SLC24A2: variants seen among roughly 807,000 people sequenced by gnomAD.
SLC24A2 encodes the protein solute carrier family 24 member 2, also known as sodium/potassium/calcium exchanger 2.
In SLC24A2, 36 loss-of-function variants were observed where a neutral mutation model predicts 62.0. The ratio of observed to expected loss-of-function variants is 0.58; its 90% confidence interval spans 0.44 to 0.77. SLC24A2 has a LOEUF of 0.77. Ranked by LOEUF, SLC24A2 falls within the 30% of genes least tolerant of loss-of-function variation. The pLI, the probability that SLC24A2 is intolerant of heterozygous loss-of-function variation, is 0.00. For synonymous variants in SLC24A2, 358 were observed against 294.0 expected, an observed-to-expected ratio of 1.22 and a Z score of -2.23; for missense variants, 846 against 817.9, an observed-to-expected ratio of 1.03 and a Z score of -0.42.
chr9:19,883,490 C>T, the SLC24A2 span, among the ~76,000 whole-genome samples: 6 of 151,920 alleles, frequency 3.9e-5, no homozygotes, highest in African/African-American at 7.3e-5. Flanking sequence ...AATTTATCTG[C>T]AAACCATGTG....
the SLC24A2 span, among the ~76,000 whole-genome samples, chr9:20,295,618 GTGAAC>G: frequency 0.076 from 11,622 of 152,180 alleles, 483 homozygotes; most frequent in African/African-American, 0.12. Context: ...GATACAGAAG[GTGAAC>G]TGGTCTTCCA....
chr9:20,296,671 A>T, the SLC24A2 span, among the ~76,000 whole-genome samples: 2 of 152,242 alleles, frequency 1.3e-5, no homozygotes, highest in Non-Finnish European at 2.9e-5. Flanking sequence ...GTGGTGACCC[A>T]CTGTGGTTTT....
chr9:19,826,942 T>C, the SLC24A2 span, among the ~76,000 whole-genome samples: 1 of 152,186 alleles, frequency 6.6e-6, no homozygotes, highest in Non-Finnish European at 1.5e-5. Flanking sequence ...CTCCTTACTG[T>C]ATCTTCTCCT....
chr9:20,067,107 GTTATT>G, the SLC24A2 span, among the ~76,000 whole-genome samples: 2 of 152,114 alleles, frequency 1.3e-5, no homozygotes, highest in African/African-American at 4.8e-5. Context: ...TTAAACAGAT[GTTATT>G]TTAGATTTTA....
the SLC24A2 span, among the ~76,000 whole-genome samples, chr9:20,021,067 T>G: frequency 6.6e-6 from 1 of 152,190 alleles, no homozygotes; most frequent in Admixed American, 6.5e-5. Context: ...CACATGTATA[T>G]TCATATAAAT....
At chr9:19,689,956 G>C (rs563945680) in intron 2 of SLC24A2, among the ~76,000 whole-genome samples, 2 of 152,232 alleles carry the variant, frequency 1.3e-5, no homozygotes, top group African/African-American at 4.8e-5. Flanking sequence ...TGCCTGAACA[G>C]AATAAAAAGG....
chr9:20,149,848 T>G, the SLC24A2 span, among the ~76,000 whole-genome samples: 24 of 151,992 alleles, frequency 1.6e-4, 1 homozygote, highest in African/African-American at 5.5e-4. Flanking sequence ...CTTTTAGGAG[T>G]CACTACAGAG....
chr9:19,831,446 A>G, the SLC24A2 span, among the ~76,000 whole-genome samples: 1 of 152,232 alleles, frequency 6.6e-6, no homozygotes, highest in African/African-American at 2.4e-5. Flanking sequence ...CTGCTGGCAG[A>G]TAAAATAAGG....
Position 19,511,759 on chromosome 9 carries a change from T to A in SLC24A2, c.*4394A>T, listed in dbSNP as rs1012649100. The A allele has an allele frequency of 2.0e-5, 3 of 152,212 alleles. No homozygotes were observed. The highest frequency in any genetic ancestry group is 4.8e-5 in the African/African-American group (2 of 41,466). The allele number at this position is 152,212 out of a possible 1,614,324, so 9.4% of individuals were successfully genotyped here. ...TCCAGAAATCACCCTGAGAACAGCT[T>A]CACTTTGTTTCTTCTGGAACACAGC... On this transcript the variant is annotated 3_prime_UTR_variant, in exon 11 of 11. Transcript: ENST00000341998.
the SLC24A2 span, among the ~76,000 whole-genome samples, chr9:20,081,192 G>A: frequency 4.1e-4 from 63 of 151,966 alleles, 1 homozygote; most frequent in African/African-American, 1.4e-3. Context: ...TGTTTATTGC[G>A]GCACTATTCA....
At chr9:19,887,855 C>T in the SLC24A2 span, among the ~76,000 whole-genome samples, 3 of 152,174 alleles carry the variant, frequency 2.0e-5, no homozygotes, top group Non-Finnish European at 4.4e-5. Context: ...ATGACTTTCA[C>T]AACAACCTAG....
intron 2 of SLC24A2, among the ~76,000 whole-genome samples, chr9:19,631,707 A>G (rs1564007131): frequency 1.3e-5 from 2 of 152,184 alleles, no homozygotes; most frequent in African/African-American, 2.4e-5. Context: ...CATGAGGCAC[A>G]AAAGAATTGA....
At chr9:19,662,386 A>C (rs1819127515) in intron 2 of SLC24A2, among the ~76,000 whole-genome samples, 1 of 152,176 alleles carries the variant, frequency 6.6e-6, no homozygotes, top group Non-Finnish European at 1.5e-5. Context: ...ATAGCGCAAC[A>C]CTGGACCGCA....
intron 7 of SLC24A2, among the ~76,000 whole-genome samples, chr9:19,571,969 A>C (rs916743158): frequency 1.3e-5 from 2 of 152,244 alleles, no homozygotes; most frequent in South Asian, 4.1e-4. Flanking sequence ...AGTTTCCTCA[A>C]CTATAAAATG....
the SLC24A2 span, among the ~76,000 whole-genome samples, chr9:20,130,883 T>C: frequency 6.6e-6 from 1 of 152,072 alleles, no homozygotes; most frequent in Non-Finnish European, 1.5e-5. Context: ...CATTGCCCAC[T>C]CCTGCTTTTT....
At chr9:20,237,976 G>A in the SLC24A2 span, among the ~76,000 whole-genome samples, 1 of 152,124 alleles carries the variant, frequency 6.6e-6, no homozygotes, top group Non-Finnish European at 1.5e-5. Flanking sequence ...TTGGGTGGAG[G>A]TGACAACCAC....
chr9:19,560,504 C>T (rs892059386), intron 7 of SLC24A2, among the ~76,000 whole-genome samples: 2 of 152,206 alleles, frequency 1.3e-5, no homozygotes, highest in African/African-American at 4.8e-5. Context: ...TGCACATGCA[C>T]CAAGGGAAAG....
At chr9:19,905,444 T>C in the SLC24A2 span, among the ~76,000 whole-genome samples, 9 of 151,634 alleles carry the variant, frequency 5.9e-5, no homozygotes, top group Admixed American at 3.3e-4. Context: ...GTTTTGCTCT[T>C]GTTGCCTAGG....
At chr9:19,717,742 T>G (rs1820899906) in intron 2 of SLC24A2, among the ~76,000 whole-genome samples, 1 of 152,192 alleles carries the variant, frequency 6.6e-6, no homozygotes, top group African/African-American at 2.4e-5. Flanking sequence ...TTAGTTGTTT[T>G]GTACACCTTC....
Sources: allele counts gnomAD v4.1 joint callset (sites outside exome capture counted in the v4.1 genomes callset), GRCh38; gene constraint gnomAD v4.1.1; transcripts MANE v1.5; gene names NCBI Gene and HGNC (gene_info 2026-07-23, HGNC 2026-07-21).